The following PCM1 variants were observed in gnomAD, a reference collection of about 807,000 sequenced individuals.
PCM1 encodes the protein pericentriolar material 1 protein.
A neutral mutation model predicts 241.9 loss-of-function variants in PCM1; 157 were observed. The observed-to-expected ratio is 0.65, with a 90% CI of 0.57 to 0.74. The LOEUF (loss-of-function observed/expected upper bound fraction) is 0.74, where lower values mean the gene tolerates loss of function less well. Among genes scored for constraint, PCM1 ranks in the 30% least tolerant of loss-of-function variants. The pLI is 0.00. For synonymous variants in PCM1, 1,085 were observed against 784.9 expected (o/e 1.38, Z -6.39); for missense variants, 3,478 against 2,360.1 (o/e 1.47, Z -9.81).
intron 6 of PCM1, among the ~76,000 whole-genome samples, chr8:17,946,871 G>GCCA (rs2063998886): frequency 1.3e-5 from 2 of 148,682 alleles, no homozygotes; most frequent in African/African-American, 5.0e-5. Context: ...GTGTGTGTGT[G>GCCA]TCCATGTGTC....
rs769545674 is a variant in PCM1, at chr8:17,986,022, T to C, written c.4345T>C (p.Ser1449Pro). ...AGGAGAAAATGTAAAGTCAGTAAACTCTGGTACTTGGATAGCATCAAACTC... is the reference window on the plus strand; with the variant it reads ...AGGAGAAAATGTAAAGTCAGTAAACCCTGGTACTTGGATAGCATCAAACTC... Reference protein sequence around the residue: ...EKGENVKSVNSGTWIASNSEL... With the variant: ...EKGENVKSVNPGTWIASNSEL... The change falls in exon 26 of 39, where the codon TCT (serine) becomes CCT (proline). Residue 1449 changes from serine (S) to proline (P), a missense_variant. Physicochemically the swap from Ser to Pro is moderately conservative, Grantham distance 74. Coordinates refer to ENST00000325083, the MANE Select transcript of PCM1 (RefSeq NM_006197.4). The C allele has an allele frequency of 6.3e-7, 1 of 1,599,484 alleles. No individual in the cohort carries two copies. The highest frequency in any genetic ancestry group is 8.6e-7 in the Non-Finnish European group (1 of 1,169,526).
At chr8:17,991,335 A>G (rs1228551337) in intron 27 of PCM1, among the ~76,000 whole-genome samples, 7 of 152,314 alleles carry the variant, frequency 4.6e-5, no homozygotes, top group South Asian at 2.1e-4. Context: ...TGCAAATGAA[A>G]GTAATGTCAT....
At position 17,963,089 on chromosome 8, in the gene PCM1, TAAAAA is replaced by T; in HGVS notation, c.2464-8_2464-4del. ...AAATATTTATTTAACTCTGGTTTCT[TAAAAA>T]AAATAGTTGTGGTCAGAAATGAGAA... On this transcript the variant is annotated splice_polypyrimidine_tract_variant and splice_region_variant and intron_variant, in intron 16 of 38. Transcript: ENST00000325083. The T allele has an allele frequency of 6.3e-7, 1 of 1,582,058 alleles. No individual in the cohort carries two copies. The highest frequency in any genetic ancestry group is 8.6e-7 in the Non-Finnish European group (1 of 1,162,328).
At position 17,960,035 on chromosome 8, in the gene PCM1, G is replaced by A. The variant is rs1344396145; in HGVS notation, c.2062G>A (p.Val688Ile). The A allele has an allele frequency of 6.2e-7, 1 of 1,612,562 alleles. No homozygotes were observed. ...MVQDDDAAQG[V>I]ISASASNLDD... ...TCAGGATGATGATGCAGCTCAAGGA[G>A]TTATCTCTGCCAGTGCATCAAATTT... Residue 688 changes from valine to isoleucine, a missense_variant, in exon 14 of 39, where the codon GTT becomes ATT. Coordinates refer to ENST00000325083, the MANE Select transcript of PCM1 (RefSeq NM_006197.4).
intron 24 of PCM1, among the ~76,000 whole-genome samples, chr8:17,981,100 A>G (rs1356308633): frequency 6.6e-6 from 1 of 152,194 alleles, no homozygotes; most frequent in Admixed American, 6.5e-5. Context: ...CCTACAGGAT[A>G]AAGTCTGAAT....
At chr8:17,974,263 T>C (rs1167523354) in intron 23 of PCM1, among the ~76,000 whole-genome samples, 3 of 152,236 alleles carry the variant, frequency 2.0e-5, no homozygotes, top group African/African-American at 7.2e-5. Context: ...AAGTAGATAA[T>C]GGCCATTTAG....
In PCM1 at chr8:17,990,073, C is replaced by T. The variant is rs899632061; in HGVS notation, c.4531+94C>T. 2.3e-5 allele frequency: 23 copies of T among 1,003,242 alleles called. No individual in the cohort carries two copies. In the African/African-American group the frequency reaches 3.8e-4, roughly 17 times the overall value. 62.1% of individuals were successfully genotyped at this position (1,003,242 alleles called of 1,614,324 possible). A position where few individuals can be genotyped will look rare whatever the true frequency, so the allele number is the denominator to read the frequency against. The stretch of plus-strand genomic sequence containing the variant: ...TGATAAGGAAACAAGTCTAGAAAGG[C>T]GAAGTGTGTGTGGTTGAAAGAATGT... On this transcript the variant is annotated intron_variant, in intron 27 of 38. Transcript: ENST00000325083.
chr8:17,955,468 A>T lies in PCM1; in HGVS notation c.1289-2A>T. 6.3e-7 allele frequency: 1 copy of T among 1,580,010 alleles called. No individual in the cohort carries two copies. The highest frequency in any genetic ancestry group is 1.9e-5 in the Admixed American group (1 of 53,472). On this transcript the variant is annotated splice_acceptor_variant, in intron 9 of 38. Coordinates refer to ENST00000325083, the MANE Select transcript of PCM1 (RefSeq NM_006197.4). LOFTEE classifies it high-confidence loss of function. Reference sequence around the variant, plus strand: ...AATTTTTTGTTGTTGTGCCTTCTTCAGCCTCTCCACAAAGGAGTGTCGATC... The same window carrying T: ...AATTTTTTGTTGTTGTGCCTTCTTCTGCCTCTCCACAAAGGAGTGTCGATC...
intron 23 of PCM1, among the ~76,000 whole-genome samples, chr8:17,977,759 A>G (rs2079265716): frequency 6.6e-6 from 1 of 152,160 alleles, no homozygotes; most frequent in African/African-American, 2.4e-5. Context: ...TAAGCAGTAG[A>G]GAAGATTCCT....
At position 17,955,581 on chromosome 8, in the gene PCM1, ATCC is replaced by A. The variant is rs765363349; in HGVS notation, c.1402_1404del (p.Pro468del). On this transcript the variant is annotated inframe_deletion, in exon 10 of 39. Transcript: ENST00000325083. ...AATAGCCTCACATCATCTGTTCCTT[ATCC>A]TACTGCTTCTCTAGTATCTCAGAAT... is the stretch of plus-strand genomic sequence containing the variant. 1 of 1,613,770 alleles carries A rather than the reference ATCC, an allele frequency of 6.2e-7. No individual in the cohort carries two copies. The highest frequency in any genetic ancestry group is 8.5e-7 in the Non-Finnish European group (1 of 1,179,700).
intron 27 of PCM1, 21 bp from the exon 28 acceptor site, chr8:17,991,521 A>C (rs2084629008): frequency 6.4e-7 from 1 of 1,557,152 alleles, no homozygotes; most frequent in African/African-American, 1.4e-5. Context: ...TACTCAAAAA[A>C]TATTTTTGTT....
chr8:17,944,276 G>A (rs1249574226), intron 6 of PCM1, among the ~76,000 whole-genome samples: 1 of 152,102 alleles, frequency 6.6e-6, no homozygotes, highest in African/African-American at 2.4e-5. Flanking sequence ...ATAGTATGAC[G>A]TAAAGAAGAC....
At chr8:17,945,763 T>C (rs1212832618) in intron 6 of PCM1, among the ~76,000 whole-genome samples, 2 of 152,172 alleles carry the variant, frequency 1.3e-5, no homozygotes, top group African/African-American at 4.8e-5. Context: ...GGGAATCAAA[T>C]GTACATAGCA....
At chr8:17,960,957 T>C (rs2071578676) in intron 15 of PCM1, among the ~76,000 whole-genome samples, 1 of 152,190 alleles carries the variant, frequency 6.6e-6, no homozygotes, top group Non-Finnish European at 1.5e-5. Flanking sequence ...ATTTTCATTC[T>C]TACTGGGCTG....
At chr8:17,940,869 T>C (rs1226662975) in intron 6 of PCM1, among the ~76,000 whole-genome samples, 2 of 152,236 alleles carry the variant, frequency 1.3e-5, no homozygotes, top group African/African-American at 4.8e-5. Flanking sequence ...CCATGCATTA[T>C]TAAGCTTTTA....
intron 28 of PCM1, among the ~76,000 whole-genome samples, chr8:17,992,303 G>A (rs946471758): frequency 6.6e-6 from 1 of 152,110 alleles, no homozygotes; most frequent in Admixed American, 6.5e-5. Flanking sequence ...ACTTTCAGTT[G>A]TTTAAGGAAT....
chr8:17,987,173 T>A (rs1403793729), intron 26 of PCM1, among the ~76,000 whole-genome samples: 1 of 151,880 alleles, frequency 6.6e-6, no homozygotes, highest in Non-Finnish European at 1.5e-5. Context: ...TAAATTAGTG[T>A]CAGTCAGTGT....
chr8:17,998,016 A>G (rs1020918101), intron 29 of PCM1, among the ~76,000 whole-genome samples: 3 of 151,322 alleles, frequency 2.0e-5, no homozygotes, highest in Admixed American at 2.0e-4. Context: ...AGCCTGGGTG[A>G]CAGAGCAAGG....
intron 27 of PCM1, among the ~76,000 whole-genome samples, chr8:17,990,755 T>C (rs1289320449): frequency 6.6e-6 from 1 of 152,120 alleles, no homozygotes; most frequent in Non-Finnish European, 1.5e-5. Context: ...AGAGAAGACT[T>C]AGATTATTTC....
Sources: gnomAD v4.1 joint callset for allele counts (sites outside exome capture counted in the v4.1 genomes callset) on GRCh38, gnomAD v4.1.1 for gene constraint, MANE v1.5 for transcripts, NCBI Gene and HGNC (gene_info 2026-07-23, HGNC 2026-07-21) for gene names.